The following LBHD1 variants were observed in gnomAD, a reference collection of about 807,000 sequenced individuals.
LBHD1 encodes LBH domain-containing protein 1.
In LBHD1, 28 loss-of-function variants were observed where a neutral mutation model predicts 31.1. That is an observed-to-expected ratio of 0.90 (90% CI 0.67 to 1.24). The LOEUF (loss-of-function observed/expected upper bound fraction) is 1.24. Ranked by LOEUF, LBHD1 falls within the 50% of genes most tolerant of loss-of-function variation. The pLI, the probability that LBHD1 is intolerant of heterozygous loss-of-function variation, is 0.00. For synonymous variants in LBHD1, 105 were observed against 116.5 expected (o/e 0.90, Z 0.63); for missense variants, 350 against 323.0 (o/e 1.08, Z -0.64).
intron 5 of LBHD1, 66 bp downstream of exon 5, chr11:62,664,783 G>A (rs1590845871): frequency 1.3e-6 from 2 of 1,533,638 alleles, no homozygotes; most frequent in East Asian, 2.5e-5. Context: ...AAGCTGCTCC[G>A]GAGCTCTGCA....
Position 62,664,862 on chromosome 11 carries a change from G to A in LBHD1, c.650C>T (p.Pro217Leu). ...DRPRADHAAP[P>L]QEAGVQCTCQ... Reference sequence around the variant, plus strand: ...TCTAGTACTTACGCCCGCTTCTTGAGGTGGTGCCGCGTGATCAGCCCTTGG... The same window carrying A: ...TCTAGTACTTACGCCCGCTTCTTGAAGTGGTGCCGCGTGATCAGCCCTTGG... The change falls in exon 5 of 7, where the codon CCT becomes CTT. Residue 217 changes from proline (P) to leucine (L), a missense_variant. Transcript: ENST00000354588. The A allele has an allele frequency of 6.4e-7, 1 of 1,572,734 alleles. No homozygotes were observed. Among genetic ancestry groups the A allele is most frequent in the South Asian group, 1.2e-5 (1 of 86,298 alleles).
Position 62,663,626 on chromosome 11 carries a change from G to A in LBHD1, c.664-293C>T, listed in dbSNP as rs140529623. On this transcript the variant is annotated intron_variant, in intron 5 of 6. Transcript: ENST00000354588. ...GGAGAATGGCGTGAACCCAGAAGGC[G>A]GAGCTTGCAGTGAGCCGAGATCGCG... Among the ~76,000 whole-genome samples the A allele has an allele frequency of 8.2e-3, 1,238 of 150,556 alleles. 12 individuals carry two copies. The highest frequency in any genetic ancestry group is 0.029 in the African/African-American group (1,173 of 40,962).
rs562403890 is a variant in LBHD1 at position 62,666,335 on chromosome 11, A to G, written c.538+1188T>C. The G allele has an allele frequency of 9.1e-6, 14 of 1,541,394 alleles. No homozygotes were observed. The African/African-American group carries it at 1.9e-4, about 21-fold the overall frequency. On this transcript the variant is annotated intron_variant, in intron 4 of 6. Coordinates refer to ENST00000354588, the MANE Select transcript of LBHD1 (RefSeq NM_024099.5). ...AAAAAAAAAAAAGACGCCAGTGTGT[A>G]TATACGACGTTTTTGCAGTGGCGAC...
Position 62,663,352 on chromosome 11 carries a change from T to G in LBHD1, c.664-19A>C. 1 of 1,611,062 alleles carries G rather than the reference T, an allele frequency of 6.2e-7. No homozygotes were observed. The highest frequency in any genetic ancestry group is 8.5e-7 in the Non-Finnish European group (1 of 1,178,252). On this transcript the variant is annotated intron_variant, in intron 5 of 6. Coordinates refer to ENST00000354588, the MANE Select transcript of LBHD1 (RefSeq NM_024099.5). ...ACTGGACCTGATGGGTAAGTGGAAA[T>G]AAAGAGAGCTAGGTTAACCTGAACC...
Position 62,664,903 on chromosome 11 carries a change from A to C in LBHD1, c.609T>G (p.Gly203=). The part of the protein sequence containing the change: ...ESGAASEAPG[G]RGCDRPRADH... ...CAGCCCTTGGTCTATCACAGCCCCG[A>C]CCACCCGGTGCCTCAGACGCCGCTC... Residue 203 remains glycine, a synonymous_variant, in exon 5 of 7, where the codon GGT becomes GGG. Transcript: ENST00000354588. 1 of 1,596,750 alleles carries C rather than the reference A, an allele frequency of 6.3e-7. No homozygotes were observed.
At chr11:62,665,885 C>A (rs1295712089) in intron 4 of LBHD1, 1 of 1,613,446 alleles carries the variant, frequency 6.2e-7, no homozygotes, top group Admixed American at 1.7e-5. Flanking sequence ...TCCAGATGGC[C>A]GCGCTGCGTC....
Position 62,663,250 on chromosome 11 carries a change from TTC to T in LBHD1, c.745_746del (p.Glu249ArgfsTer32), listed in dbSNP as rs1223940906. The T allele has an allele frequency of 1.2e-6, 2 of 1,614,206 alleles. No individual in the cohort carries two copies. Among genetic ancestry groups the T allele is most frequent in the East Asian group, 2.2e-5 (1 of 44,890 alleles). ...PPADPACPER[E>X]DSHGSGSPFK... is the part of the protein sequence containing the mutation. ...CCCAGCCTCACCTTCCATGGCTGTCTTCTCTTTCTGGGCAAGCCGGATCTGCT... is the reference window on the plus strand; with the variant it reads ...CCCAGCCTCACCTTCCATGGCTGTCTTCTTTCTGGGCAAGCCGGATCTGCT... On this transcript the variant is annotated frameshift_variant, in exon 6 of 7. Transcript: ENST00000354588. LOFTEE classifies it high-confidence loss of function.
chr11:62,665,384 G>T, intron 4 of LBHD1: 2 of 1,134,550 alleles, frequency 1.8e-6, no homozygotes, highest in East Asian at 2.4e-5. Context: ...GGAGTGGTGG[G>T]GGTGCCGGGT....
At chr11:62,666,421 G>A (rs763875756) in intron 4 of LBHD1, 6 of 1,611,278 alleles carry the variant, frequency 3.7e-6, no homozygotes, top group Admixed American at 1.7e-5. Flanking sequence ...GTTGCCTGGC[G>A]GACCGCTGTC....
At chr11:62,665,359 C>T (rs1944771180) in intron 4 of LBHD1, 2 of 892,162 alleles carry the variant, frequency 2.2e-6, no homozygotes, top group Non-Finnish European at 3.5e-6. Context: ...CTGTAGTAGC[C>T]AGATTGGGCG....
chr11:62,671,373 A>G (rs773327993), intron 1 of LBHD1, 191 bp downstream of exon 1: 10 of 1,286,460 alleles, frequency 7.8e-6, no homozygotes, highest in Non-Finnish European at 1.0e-5. Flanking sequence ...GAAACCACAG[A>G]GCACAGCTCG....
chr11:62,665,979 G>GGTGGGGGCAGA, intron 4 of LBHD1: 1 of 1,594,736 alleles, frequency 6.3e-7, no homozygotes. Flanking sequence ...GAGAGGGCAA[G>GGTGGGGGCAGA]GTGGGGGCAG....
intron 3 of LBHD1, 77 bp from the exon 4 acceptor site, chr11:62,667,824 C>T (rs1169604459): frequency 1.9e-6 from 2 of 1,049,082 alleles, no homozygotes; most frequent in Non-Finnish European, 2.9e-6. Context: ...GGCATGCTGG[C>T]TCATACCTAT....
chr11:62,667,044 C>T (rs754727219), intron 4 of LBHD1: 17 of 1,597,506 alleles, frequency 1.1e-5, no homozygotes, highest in East Asian at 2.2e-5. Context: ...ATTCAAGGCT[C>T]TCATTAAAGA....
chr11:62,667,899 C>CTGG, intron 3 of LBHD1, 152 bp from the exon 4 acceptor site: 1 of 608,278 alleles, frequency 1.6e-6, no homozygotes, highest in Non-Finnish European at 2.9e-6. Context: ...AAGTGACACC[C>CTGG]CTAACTCTAC....
At position 62,671,794 on chromosome 11, in the gene LBHD1, G is replaced by T. The variant is rs372435398; in HGVS notation, c.-241C>A. 6 of 1,614,074 alleles carry T rather than the reference G, an allele frequency of 3.7e-6. No homozygotes were observed. In the African/African-American group the frequency reaches 8.0e-5, roughly 22 times the overall value. ...GATCTCAGTCGCAATGCTGGGCGCA[G>T]GGGCTGGCGTGGGCTACGCGCTCCT... On this transcript the variant is annotated 5_prime_UTR_variant, in exon 1 of 7. In the 5' UTR this introduces an upstream ATG that the reference lacks. Transcript: ENST00000354588.
chr11:62,665,315 T>A, intron 4 of LBHD1: 1 of 729,360 alleles, frequency 1.4e-6, no homozygotes, highest in South Asian at 1.6e-5. Context: ...GGGAGGCCTT[T>A]CGGAGGGTGG....
In LBHD1 at chr11:62,667,478, C is replaced by T. The variant is rs746974325; in HGVS notation, c.538+45G>A. On this transcript the variant is annotated intron_variant, in intron 4 of 6. Coordinates refer to ENST00000354588, the MANE Select transcript of LBHD1 (RefSeq NM_024099.5). ...GTAAGAGGATGGGTATAAGGAGCTT[C>T]ATAAACCTGGATGAGATATTTGAGG... 1.1e-5 allele frequency: 18 copies of T among 1,592,466 alleles called. No homozygotes were observed. The African/African-American group carries it at 2.3e-4, about 20-fold the overall frequency.
chr11:62,666,986 G>C, intron 4 of LBHD1: 1 of 1,614,074 alleles, frequency 6.2e-7, no homozygotes, highest in Non-Finnish European at 8.5e-7. Flanking sequence ...GACTGTGACT[G>C]TGCAGGAGCT....
Sources: gnomAD v4.1 joint callset for allele counts (sites outside exome capture counted in the v4.1 genomes callset) on GRCh38, gnomAD v4.1.1 for gene constraint, MANE v1.5 for transcripts, NCBI Gene and HGNC (gene_info 2026-07-23, HGNC 2026-07-21) for gene names.